Variants in VEPH1 observed in about 807,000 individuals in gnomAD.
VEPH1 encodes the protein ventricular zone-expressed PH domain-containing protein homolog 1.
In VEPH1, 80 loss-of-function variants were observed where a neutral mutation model predicts 85.2. That is an observed-to-expected ratio of 0.94 (90% CI 0.78 to 1.13). The LOEUF is 1.13. Ranked by LOEUF, VEPH1 falls within the 50% of genes most tolerant of loss-of-function variation. The pLI, the probability that VEPH1 is intolerant of heterozygous loss-of-function variation, is 0.00. For missense variants in VEPH1, 955 were observed against 980.5 expected (o/e 0.97, Z 0.35); for synonymous variants, 297 against 348.0 (o/e 0.85, Z 1.63).
intron 3 of VEPH1, 23 bp downstream of exon 3, chr3:157,470,291 C>T: frequency 6.2e-7 from 1 of 1,610,100 alleles, no homozygotes; most frequent in Non-Finnish European, 8.5e-7. Flanking sequence ...TATCAAATAG[C>T]CTGATGTTGA....
Position 157,364,500 on chromosome 3 carries a change from G to A in VEPH1, c.1140C>T (p.Ser380=), listed in dbSNP as rs367738920. The A allele has an allele frequency of 2.5e-6, 4 of 1,613,484 alleles. No individual in the cohort carries two copies. Among genetic ancestry groups the A allele is most frequent in the Non-Finnish European group, 3.4e-6 (4 of 1,179,834 alleles). Residue 380 remains serine, a synonymous_variant, in exon 8 of 14, where the codon AGC becomes AGT. Coordinates refer to ENST00000362010, the MANE Select transcript of VEPH1 (RefSeq NM_001167912.2). ...TKAGSGRRKI[S]TEIEFPEKLE... is the part of the protein sequence containing the mutation. ...GTTTCTCAGGGAATTCAATTTCAGT[G>A]CTGATTTTTCTCCTAAAGGAATATA... is the stretch of plus-strand genomic sequence containing the variant.
At chr3:157,452,441 A>T (rs1175260096) in intron 4 of VEPH1, among the ~76,000 whole-genome samples, 1 of 152,232 alleles carries the variant, frequency 6.6e-6, no homozygotes, top group African/African-American at 2.4e-5. Context: ...GTGGGAGGCC[A>T]CAAGGGGAGA....
At chr3:157,363,181 A>C (rs1436715132) in intron 9 of VEPH1, 183 bp downstream of exon 9, 1 of 534,656 alleles carries the variant, frequency 1.9e-6, no homozygotes, top group Non-Finnish European at 3.1e-6. Context: ...ATGGGAATCA[A>C]GATGATCAAC....
At chr3:157,400,195 T>C (rs932803959) in intron 6 of VEPH1, among the ~76,000 whole-genome samples, 1 of 152,054 alleles carries the variant, frequency 6.6e-6, no homozygotes, top group Non-Finnish European at 1.5e-5. Context: ...GGCAAAACAA[T>C]TTTTTAAAAT....
intron 1 of VEPH1, chr3:157,499,766 G>T (rs1739957523): frequency 6.6e-6 from 1 of 152,354 alleles, no homozygotes; most frequent in South Asian, 2.1e-4. Context: ...AGAATGGGGG[G>T]CGGGGGCGAG....
At chr3:157,351,125 C>T (rs1332185694) in intron 9 of VEPH1, among the ~76,000 whole-genome samples, 3 of 151,994 alleles carry the variant, frequency 2.0e-5, no homozygotes, top group Non-Finnish European at 4.4e-5. Context: ...CCCGGGTCCC[C>T]CAAAACAAAT....
At chr3:157,401,941 A>G (rs576411822) in intron 6 of VEPH1, among the ~76,000 whole-genome samples, 106 of 152,296 alleles carry the variant, frequency 7.0e-4, no homozygotes, top group South Asian at 1.2e-3. Flanking sequence ...ATCAGTTTCC[A>G]AATTTGTTTC....
intron 9 of VEPH1, among the ~76,000 whole-genome samples, chr3:157,356,549 A>G (rs866934087): frequency 3.3e-5 from 5 of 152,338 alleles, no homozygotes; most frequent in Admixed American, 6.5e-5. Flanking sequence ...TGGAGCAAAT[A>G]GGAGGAAATA....
intron 12 of VEPH1, among the ~76,000 whole-genome samples, chr3:157,269,229 A>G (rs1714168734): frequency 6.6e-6 from 1 of 152,238 alleles, no homozygotes; most frequent in Non-Finnish European, 1.5e-5. Context: ...AAAGTTTACA[A>G]TGAACACTGG....
At chr3:157,346,375 G>T (rs867802365) in intron 9 of VEPH1, among the ~76,000 whole-genome samples, 10 of 152,152 alleles carry the variant, frequency 6.6e-5, no homozygotes, top group Admixed American at 5.9e-4. Context: ...ATGTGCTTGA[G>T]TTCAAAAGTT....
Position 157,292,615 on chromosome 3 carries a change from G to A in VEPH1, c.2011-5941C>T, listed in dbSNP as rs907052797. Among the ~76,000 whole-genome samples, 10 of 151,668 alleles carry A rather than the reference G, an allele frequency of 6.6e-5. No homozygotes were observed. The South Asian group carries it at 8.4e-4, about 13-fold the overall frequency. The stretch of plus-strand genomic sequence containing the variant: ...GCTGAGGCACAAGAATTGTTTGAAT[G>A]TGGGAGGCAGAGGTTGCAGTGAGCT... On this transcript the variant is annotated intron_variant, in intron 11 of 13. Transcript: ENST00000362010.
chr3:157,334,028 C>A (rs191706151), intron 9 of VEPH1, among the ~76,000 whole-genome samples: 2 of 152,034 alleles, frequency 1.3e-5, no homozygotes, highest in Non-Finnish European at 2.9e-5. Context: ...TTATTATGTC[C>A]GATATGTTGG....
chr3:157,414,038 T>A lies in VEPH1; in HGVS notation c.749A>T (p.His250Leu). The A allele has an allele frequency of 6.2e-7, 1 of 1,613,424 alleles. No individual in the cohort carries two copies. The highest frequency in any genetic ancestry group is 8.5e-7 in the Non-Finnish European group (1 of 1,179,676). The change falls in exon 6 of 14, where the codon CAT (histidine) becomes CTT (leucine). Residue 250 changes from histidine (H) to leucine (L), a missense_variant. Coordinates refer to ENST00000362010, the MANE Select transcript of VEPH1 (RefSeq NM_001167912.2). The part of the protein sequence containing the change: ...FLIGHLKDST[H>L]NDIILNILIE... ...GAGGATGTTTAGGATGATGTCATTA[T>A]GGGTTGAATCCTTCAAATGCCCAAT...
chr3:157,406,928 T>A (rs908725246), intron 6 of VEPH1, among the ~76,000 whole-genome samples: 1 of 151,984 alleles, frequency 6.6e-6, no homozygotes, highest in Non-Finnish European at 1.5e-5. Flanking sequence ...AAACTAAAAT[T>A]TGTTTCAGTT....
intron 5 of VEPH1, among the ~76,000 whole-genome samples, chr3:157,420,985 A>T (rs1372322589): frequency 1.3e-5 from 2 of 152,228 alleles, no homozygotes; most frequent in Non-Finnish European, 2.9e-5. Flanking sequence ...CCACTTGGAA[A>T]GTTGATCACC....
intron 6 of VEPH1, among the ~76,000 whole-genome samples, chr3:157,407,286 T>G (rs1731217365): frequency 6.6e-6 from 1 of 152,180 alleles, no homozygotes; most frequent in Non-Finnish European, 1.5e-5. Flanking sequence ...GCAAACTTAT[T>G]TGAGCTGTTT....
chr3:157,381,450 A>G, intron 6 of VEPH1, 74 bp from the exon 7 acceptor site: 1 of 1,486,572 alleles, frequency 6.7e-7, no homozygotes, highest in East Asian at 2.3e-5. Flanking sequence ...CATGCCTGTA[A>G]TCCCAGCACT....
intron 11 of VEPH1, among the ~76,000 whole-genome samples, chr3:157,293,572 C>G (rs557593050): frequency 8.6e-5 from 13 of 151,838 alleles, no homozygotes; most frequent in Non-Finnish European, 1.9e-4. Context: ...AATTTAAGAA[C>G]AAATATGACA....
At chr3:157,277,793 AG>A (rs1032206324) in intron 12 of VEPH1, among the ~76,000 whole-genome samples, 7 of 152,356 alleles carry the variant, frequency 4.6e-5, no homozygotes, top group Non-Finnish European at 7.3e-5. Flanking sequence ...TGTTTATTAT[AG>A]TACTTATGAA....
Sources: gnomAD v4.1 joint callset for allele counts (sites outside exome capture counted in the v4.1 genomes callset) on GRCh38, gnomAD v4.1.1 for gene constraint, MANE v1.5 for transcripts, NCBI Gene and HGNC (gene_info 2026-07-23, HGNC 2026-07-21) for gene names.